The following GSPT1 variants were observed in gnomAD, a reference collection of about 807,000 sequenced individuals.
GSPT1 encodes eukaryotic peptide chain release factor GTP-binding subunit ERF3A.
In GSPT1, 20 loss-of-function variants were observed where a neutral mutation model predicts 72.5. The ratio of observed to expected loss-of-function variants is 0.28; its 90% CI spans 0.19 to 0.40. The LOEUF (loss-of-function observed/expected upper bound fraction) is 0.40. Among genes scored for constraint, GSPT1 ranks in the 10% least tolerant of loss-of-function variants. The probability of loss-of-function intolerance (pLI) is 1.00; values close to 1 mark genes in which losing one functional copy is unlikely to be tolerated. For missense variants in GSPT1, 580 were observed against 811.9 expected, an observed-to-expected ratio of 0.71 and a Z score of 3.47; for synonymous variants, 334 against 293.5, an observed-to-expected ratio of 1.14 and a Z score of -1.41.
intron 5 of GSPT1, among the ~76,000 whole-genome samples, chr16:11,894,252 G>C (rs758248420): frequency 9.1e-5 from 12 of 132,476 alleles, no homozygotes; most frequent in Non-Finnish European, 1.7e-4. Flanking sequence ...ACAGTTCAAA[G>C]AAATGGGTCT....
At chr16:11,902,296 G>A (rs1170466996) in intron 1 of GSPT1, among the ~76,000 whole-genome samples, 2 of 149,924 alleles carry the variant, frequency 1.3e-5, no homozygotes, top group East Asian at 2.0e-4. Context: ...GCAGGAGAAT[G>A]GCATGAACCC....
intron 1 of GSPT1, among the ~76,000 whole-genome samples, chr16:11,910,071 T>C (rs1343643632): frequency 6.6e-6 from 1 of 152,110 alleles, no homozygotes; most frequent in East Asian, 1.9e-4. Flanking sequence ...TACTCCAGCT[T>C]GGGTGACAAA....
rs1222644487 is a variant in GSPT1 at position 11,877,400 on chromosome 16, T to A, written c.1602+7A>T. On this transcript the variant is annotated splice_region_variant and intron_variant, in intron 12 of 14. Transcript: ENST00000434724. The surrounding 1 kb of genome is among the most constrained non-coding windows in gnomAD (Gnocchi z 4.0). ...ACCCACTATGACAACAACAATAATTTGTTTACCTGGGCATCAAATGTGCGT... is the reference window on the plus strand; with the variant it reads ...ACCCACTATGACAACAACAATAATTAGTTTACCTGGGCATCAAATGTGCGT... 1.3e-6 allele frequency: 2 copies of A among 1,559,326 alleles called. No homozygotes were observed. The highest frequency in any genetic ancestry group is 2.8e-5 in the African/African-American group (2 of 72,622).
intron 5 of GSPT1, among the ~76,000 whole-genome samples, chr16:11,894,447 G>C (rs1298706529): frequency 6.6e-6 from 1 of 152,004 alleles, no homozygotes; most frequent in African/African-American, 2.4e-5. Flanking sequence ...TACATTTAAG[G>C]AGCTGATGAA....
At chr16:11,916,277 G>A (rs2075151), upstream of GSPT1, among the ~76,000 whole-genome samples, 8 of 149,306 alleles carry the variant, frequency 5.4e-5, no homozygotes, top group East Asian at 3.9e-4. Flanking sequence ...GTCACCTGGT[G>A]GGGGGGCAGC....
chr16:11,901,791 C>CAA (rs554216223), intron 1 of GSPT1, among the ~76,000 whole-genome samples: 15 of 142,884 alleles, frequency 1.0e-4, no homozygotes, highest in African/African-American at 3.6e-4. Context: ...GACCCTGTCT[C>CAA]AAAAAAAAAA....
chr16:11,868,278 T>C lies in GSPT1; in HGVS notation c.*4841A>G, dbSNP rs2053940554. The C allele has an allele frequency of 6.6e-6, 1 of 152,080 alleles. No homozygotes were observed. The highest frequency in any genetic ancestry group is 1.5e-5 in the Non-Finnish European group (1 of 68,030). The allele number at this position is 152,080 out of a possible 1,614,324, so 9.4% of individuals were successfully genotyped here. On this transcript the variant is annotated 3_prime_UTR_variant, in exon 15 of 15. Transcript: ENST00000434724. ...AGCTACAAATCGTAAGAAAAAGCTT[T>C]CTTTCCTACCTAGAGCACTCTTCCA...
intron 12 of GSPT1, 68 bp from the exon 13 acceptor site, chr16:11,876,243 G>A (rs78357122): frequency 7.2e-6 from 7 of 975,284 alleles, no homozygotes; most frequent in East Asian, 4.8e-5. Flanking sequence ...GTTCTCAAGC[G>A]CCATATAAAT....
intron 5 of GSPT1, among the ~76,000 whole-genome samples, chr16:11,892,991 G>C (rs1236760525): frequency 6.6e-6 from 1 of 152,086 alleles, no homozygotes; most frequent in East Asian, 1.9e-4. Context: ...GTCAACATCA[G>C]GGCAGGATGA....
chr16:11,884,362 A>G (rs1185289042), intron 10 of GSPT1, among the ~76,000 whole-genome samples: 2 of 152,256 alleles, frequency 1.3e-5, no homozygotes, highest in African/African-American at 4.8e-5. Context: ...TCCCTGGCTC[A>G]TCGGGAAACA....
At chr16:11,878,498 C>T (rs1312256179) in intron 11 of GSPT1, among the ~76,000 whole-genome samples, 2 of 150,868 alleles carry the variant, frequency 1.3e-5, no homozygotes, top group East Asian at 3.9e-4. Flanking sequence ...AAGGCTGAGG[C>T]ATGAGGACTG....
At chr16:11,910,192 A>G (rs530793171) in intron 1 of GSPT1, among the ~76,000 whole-genome samples, 21 of 152,354 alleles carry the variant, frequency 1.4e-4, no homozygotes, top group African/African-American at 5.0e-4. Context: ...AAAAAAAAAT[A>G]CACACAAGGC....
rs1040777350 is a variant in GSPT1 at position 11,877,238 on chromosome 16, G to A, written c.1602+169C>T. Among the ~76,000 whole-genome samples the A allele has an allele frequency of 6.6e-6, 1 of 152,196 alleles. No individual in the cohort carries two copies. Among genetic ancestry groups the A allele is most frequent in the Non-Finnish European group, 1.5e-5 (1 of 68,040 alleles). On this transcript the variant is annotated intron_variant, in intron 12 of 14. Transcript: ENST00000434724. This position sits in a 1 kb window ranked among gnomAD's most constrained non-coding sequence, Gnocchi z 4.0. The stretch of plus-strand genomic sequence containing the variant: ...TACCAGCTTGAAGACCTTGTATGAG[G>A]TGCCTATTGTGGTTATGATATATAA...
At chr16:11,891,766 G>A (rs1462429804) in intron 5 of GSPT1, among the ~76,000 whole-genome samples, 5 of 151,204 alleles carry the variant, frequency 3.3e-5, no homozygotes, top group South Asian at 2.1e-4. Context: ...GGGTTCAAGC[G>A]ATTCTCCTGT....
intron 1 of GSPT1, among the ~76,000 whole-genome samples, chr16:11,899,624 G>C (rs759514441): frequency 6.6e-5 from 10 of 152,112 alleles, no homozygotes; most frequent in Non-Finnish European, 1.5e-4. Flanking sequence ...TTTGGAAGGA[G>C]GCAGAAACTG....
chr16:11,905,881 T>C (rs949991799), intron 1 of GSPT1, among the ~76,000 whole-genome samples: 1 of 152,050 alleles, frequency 6.6e-6, no homozygotes, highest in Non-Finnish European at 1.5e-5. Flanking sequence ...TAGGTACACA[T>C]GTATCTTAGT....
Position 11,910,841 on chromosome 16 carries a change from C to T in GSPT1, c.352+4528G>A, listed in dbSNP as rs113666401. Among the ~76,000 whole-genome samples the T allele has an allele frequency of 2.1e-3, 320 of 152,296 alleles. 2 individuals carry two copies. The highest frequency in any genetic ancestry group is 7.4e-3 in the African/African-American group (306 of 41,562). On this transcript the variant is annotated intron_variant, in intron 1 of 14. Coordinates refer to ENST00000434724, the MANE Select transcript of GSPT1 (RefSeq NM_002094.4). ...ACCTGCTCCAAAGAGGGTTTTTACACCAGTCAAAAATTCTAACAGTTTAAA... is the reference window on the plus strand; with the variant it reads ...ACCTGCTCCAAAGAGGGTTTTTACATCAGTCAAAAATTCTAACAGTTTAAA...
chr16:11,882,951 T>C (rs2054139570), intron 11 of GSPT1, 64 bp downstream of exon 11: 1 of 1,009,898 alleles, frequency 9.9e-7, no homozygotes, highest in Non-Finnish European at 1.6e-6. Flanking sequence ...AAGAAGACCC[T>C]ATCTCTTAAA....
chr16:11,898,163 T>A, intron 1 of GSPT1, 128 bp from the exon 2 acceptor site: 1 of 640,034 alleles, frequency 1.6e-6, no homozygotes, highest in South Asian at 1.9e-5. Context: ...CCCAGATCAA[T>A]GGCAGCTAAC....
Sources: allele counts gnomAD v4.1 joint callset (sites outside exome capture counted in the v4.1 genomes callset), GRCh38; gene constraint gnomAD v4.1.1; non-coding constraint Gnocchi (gnomAD v3.1); transcripts MANE v1.5; gene names NCBI Gene and HGNC (gene_info 2026-07-23, HGNC 2026-07-21).